ZSCAN25: variants seen among roughly 807,000 people sequenced by gnomAD.
The protein encoded by ZSCAN25 is zinc finger and SCAN domain containing 25, also known as zinc finger and SCAN domain-containing protein 25.
A neutral mutation model predicts 38.7 loss-of-function variants in ZSCAN25; 27 were observed. That is an observed-to-expected ratio of 0.70 (90% CI 0.51 to 0.96). The LOEUF is 0.96. ZSCAN25 is among the 40% of genes least tolerant of loss of function. ZSCAN25 has a pLI of 0.00. For synonymous variants in ZSCAN25, 273 were observed against 277.7 expected (o/e 0.98, Z 0.17); for missense variants, 637 against 705.9 (o/e 0.90, Z 1.11).
chr7:99,650,097 G>T, the ZSCAN25 span: 1 of 1,614,006 alleles, frequency 6.2e-7, no homozygotes, highest in East Asian at 2.2e-5. Flanking sequence ...AAGGTTTGAA[G>T]GAGAAGTTCT....
chr7:99,692,692 A>G, the ZSCAN25 span, among the ~76,000 whole-genome samples: 33 of 152,200 alleles, frequency 2.2e-4, no homozygotes, highest in Non-Finnish European at 4.4e-4. Flanking sequence ...CGAATCGGCT[A>G]TTGAAGCTTG....
the ZSCAN25 span, among the ~76,000 whole-genome samples, chr7:99,708,526 A>G: frequency 1.3e-5 from 2 of 150,512 alleles, no homozygotes; most frequent in African/African-American, 4.9e-5. Context: ...TTTCTCCCCC[A>G]CACCTCCATA....
the ZSCAN25 span, among the ~76,000 whole-genome samples, chr7:99,723,634 G>A: frequency 6.6e-6 from 1 of 152,066 alleles, no homozygotes; most frequent in Admixed American, 6.6e-5. Context: ...CCCTGTCCTC[G>A]CCCTCACTCC....
At position 99,629,932 on chromosome 7, in the gene ZSCAN25, G is replaced by A; in HGVS notation, c.1547G>A (p.Cys516Tyr). ...CATACAGGGGAGAAGCCCTACCACT[G>A]TCCTGCCTGCGGGCGAAGCTTCAAC... is the stretch of plus-strand genomic sequence containing the variant. Reference protein sequence around the residue: ...RIHTGEKPYHCPACGRSFNQR... With the variant: ...RIHTGEKPYHYPACGRSFNQR... Residue 516 changes from cysteine (C) to tyrosine (Y), a missense_variant, in exon 8 of 8, where the codon TGT becomes TAT. Coordinates refer to ENST00000394152, the MANE Select transcript of ZSCAN25 (RefSeq NM_145115.3). The surrounding 1 kb of genome is among the most constrained non-coding windows in gnomAD (Gnocchi z 5.6). 6.2e-7 allele frequency: 1 copy of A among 1,614,078 alleles called. No individual in the cohort carries two copies. Among genetic ancestry groups the A allele is most frequent in the Non-Finnish European group, 8.5e-7 (1 of 1,179,944 alleles).
chr7:99,685,732 G>A, the ZSCAN25 span, among the ~76,000 whole-genome samples: 1 of 152,154 alleles, frequency 6.6e-6, no homozygotes, highest in Non-Finnish European at 1.5e-5. Context: ...ATTTGCTATT[G>A]TAAAACTTTT....
At chr7:99,680,857 C>G in the ZSCAN25 span, among the ~76,000 whole-genome samples, 3 of 152,204 alleles carry the variant, frequency 2.0e-5, no homozygotes, top group South Asian at 2.1e-4. Context: ...TGTACTGAAT[C>G]TGTCAAGGAA....
At chr7:99,701,646 T>TG in the ZSCAN25 span, among the ~76,000 whole-genome samples, 5 of 152,244 alleles carry the variant, frequency 3.3e-5, no homozygotes, top group Non-Finnish European at 7.3e-5. Flanking sequence ...CCATTTTAGC[T>TG]GGGGAGAGAT....
At chr7:99,727,311 C>A in the ZSCAN25 span, among the ~76,000 whole-genome samples, 1 of 152,228 alleles carries the variant, frequency 6.6e-6, no homozygotes, top group African/African-American at 2.4e-5. Context: ...CACCCTAATA[C>A]TTTTAGAAGC....
At chr7:99,722,247 A>T in the ZSCAN25 span, 1 of 1,611,314 alleles carries the variant, frequency 6.2e-7, no homozygotes, top group Non-Finnish European at 8.5e-7. Flanking sequence ...AGTGGGGTAA[A>T]CTCATCATAG....
chr7:99,726,818 AT>A, the ZSCAN25 span, among the ~76,000 whole-genome samples: 1 of 152,148 alleles, frequency 6.6e-6, no homozygotes, highest in Admixed American at 6.5e-5. Context: ...GATATCGGGT[AT>A]CCCCCTCCAA....
chr7:99,659,876 T>C, the ZSCAN25 span: 1 of 152,560 alleles, frequency 6.6e-6, no homozygotes, highest in South Asian at 2.1e-4. Flanking sequence ...CTCCGAGCCA[T>C]GCGCGGGATA....
At chr7:99,687,394 A>G in the ZSCAN25 span, among the ~76,000 whole-genome samples, 271 of 152,372 alleles carry the variant, frequency 1.8e-3, no homozygotes, top group African/African-American at 6.3e-3. Context: ...TCAGGAGCTG[A>G]TGCGATCAAC....
chr7:99,710,986 C>G, the ZSCAN25 span: 1 of 1,593,768 alleles, frequency 6.3e-7, no homozygotes, highest in Non-Finnish European at 8.5e-7. Flanking sequence ...CTTCAAATCC[C>G]CAGGGGAAAA....
chr7:99,701,342 C>G, the ZSCAN25 span, among the ~76,000 whole-genome samples: 2 of 152,196 alleles, frequency 1.3e-5, no homozygotes, highest in Non-Finnish European at 2.9e-5. Flanking sequence ...ACTCTCTTTA[C>G]CCATTCATCT....
downstream of ZSCAN25, among the ~76,000 whole-genome samples, chr7:99,635,455 T>C (rs1329505385): frequency 1.3e-5 from 2 of 152,200 alleles, no homozygotes; most frequent in Non-Finnish European, 2.9e-5. Context: ...CCAATGATTA[T>C]TGTTCAATTT....
the ZSCAN25 span, chr7:99,705,338 C>T: frequency 3.8e-6 from 3 of 780,374 alleles, no homozygotes; most frequent in Non-Finnish European, 6.2e-6. Flanking sequence ...TCTATACAGA[C>T]CATGAGAGAG....
At chr7:99,672,446 G>A in the ZSCAN25 span, 24 of 708,874 alleles carry the variant, frequency 3.4e-5, 1 homozygote, top group East Asian at 4.5e-4. Flanking sequence ...ACCACTGGGC[G>A]GGACAGGATG....
the ZSCAN25 span, chr7:99,722,307 T>C: frequency 6.2e-7 from 1 of 1,613,538 alleles, no homozygotes; most frequent in African/African-American, 1.3e-5. Flanking sequence ...CCCAGACTTT[T>C]CTATACTTTT....
chr7:99,641,630 C>T, the ZSCAN25 span, among the ~76,000 whole-genome samples: 1 of 152,184 alleles, frequency 6.6e-6, no homozygotes, highest in Non-Finnish European at 1.5e-5. Context: ...ACTCTTCATT[C>T]TCCTCCCACC....
Sources: allele counts gnomAD v4.1 joint callset (sites outside exome capture counted in the v4.1 genomes callset), GRCh38; gene constraint gnomAD v4.1.1; non-coding constraint Gnocchi (gnomAD v3.1); transcripts MANE v1.5; gene names NCBI Gene and HGNC (gene_info 2026-07-23, HGNC 2026-07-21).